The following SAE1 variants were observed in gnomAD, a reference collection of about 807,000 sequenced individuals.
SAE1 encodes SUMO-activating enzyme subunit 1.
In SAE1, 11 loss-of-function variants were observed where a neutral mutation model predicts 40.6. That is an observed-to-expected ratio of 0.27 (90% CI 0.17 to 0.45). SAE1 has a LOEUF of 0.45. SAE1 is among the 20% of genes least tolerant of loss of function. The pLI is 1.00. For missense variants in SAE1, 373 were observed against 427.3 expected (o/e 0.87, Z 1.12); for synonymous variants, 155 against 154.3 (o/e 1.00, Z -0.03).
chr19:47,172,021 C>G (rs1223916150), intron 6 of SAE1, among the ~76,000 whole-genome samples: 1 of 152,098 alleles, frequency 6.6e-6, no homozygotes, highest in African/African-American at 2.4e-5. Context: ...CCGGTTCAAA[C>G]AGTTTCCCCG....
intron 6 of SAE1, among the ~76,000 whole-genome samples, chr19:47,182,496 T>TGTGTGTGTGTGTGTGC (rs143321323): frequency 7.5e-5 from 11 of 145,934 alleles, no homozygotes; most frequent in Admixed American, 2.1e-4. Context: ...TGTGTGTGTG[T>TGTGTGTGTGTGTGTGC]GCGCGCACGC....
At chr19:47,132,653 G>GC (rs1050437366) in intron 1 of SAE1, among the ~76,000 whole-genome samples, 9 of 151,950 alleles carry the variant, frequency 5.9e-5, no homozygotes, top group Admixed American at 5.9e-4. Flanking sequence ...AAGCTGAGTT[G>GC]GGGGGAGGGG....
chr19:47,181,813 ATT>A (rs985920836), intron 6 of SAE1, among the ~76,000 whole-genome samples: 1 of 100,298 alleles, frequency 1.0e-5, no homozygotes, highest in Non-Finnish European at 2.1e-5. Flanking sequence ...ATTTTACAGA[ATT>A]TTTTTTTTTT....
chr19:47,136,732 C>T (rs568025364), intron 1 of SAE1, among the ~76,000 whole-genome samples: 25 of 152,176 alleles, frequency 1.6e-4, no homozygotes, highest in East Asian at 5.8e-4. Flanking sequence ...TCAGGTGATC[C>T]GCCCGCCTTG....
At chr19:47,169,116 G>A (rs763306240) in intron 5 of SAE1, among the ~76,000 whole-genome samples, 5 of 151,894 alleles carry the variant, frequency 3.3e-5, no homozygotes, top group Non-Finnish European at 7.4e-5. Flanking sequence ...CCATTCCTCT[G>A]CCAAGAAACA....
Position 47,202,864 on chromosome 19 carries a change from C to T in SAE1, c.879-807C>T, listed in dbSNP as rs543114500. ...GGCGGAGCTTGCAGTAAGCCAAGATCGCGCCACTGCACTCCAGCCTGGGTG... is the reference window on the plus strand; with the variant it reads ...GGCGGAGCTTGCAGTAAGCCAAGATTGCGCCACTGCACTCCAGCCTGGGTG... On this transcript the variant is annotated intron_variant, in intron 7 of 8. Transcript: ENST00000270225. 4.6e-5 allele frequency among the ~76,000 whole-genome samples: 7 copies of T among 152,146 alleles called. No homozygotes were observed. In the East Asian group the frequency reaches 5.9e-4, roughly 13 times the overall value.
chr19:47,134,011 C>T (rs534338236), intron 1 of SAE1, among the ~76,000 whole-genome samples: 34 of 151,748 alleles, frequency 2.2e-4, no homozygotes, highest in African/African-American at 7.2e-4. Context: ...TACAGGCGCC[C>T]GCCACCATGC....
At chr19:47,163,988 C>T (rs1043414663) in intron 5 of SAE1, among the ~76,000 whole-genome samples, 1 of 151,496 alleles carries the variant, frequency 6.6e-6, no homozygotes, top group African/African-American at 2.4e-5. Flanking sequence ...AGGCTGGTCT[C>T]GAACTCCTGA....
chr19:47,197,494 C>G, intron 7 of SAE1, 117 bp downstream of exon 7: 8 of 768,538 alleles, frequency 1.0e-5, no homozygotes, highest in Non-Finnish European at 1.7e-5. Context: ...CTGCCACATT[C>G]TGCTCGCTCC....
chr19:47,180,056 T>C (rs2058496585), intron 6 of SAE1: 2 of 395,706 alleles, frequency 5.1e-6, no homozygotes, highest in Admixed American at 2.8e-5. Context: ...ATTGAAGTTA[T>C]CTGGATGAAC....
Position 47,176,768 on chromosome 19 carries a change from C to T in SAE1, c.733+6845C>T, listed in dbSNP as rs185533352. ...TTAATAAGTTAGTGGCCAGACTGTA[C>T]GCTTCCTGCTGCATTTTTCCACTGT... On this transcript the variant is annotated intron_variant, in intron 6 of 8. Coordinates refer to ENST00000270225, the MANE Select transcript of SAE1 (RefSeq NM_005500.3). Among the ~76,000 whole-genome samples the T allele has an allele frequency of 1.1e-4, 17 of 152,326 alleles. No individual in the cohort carries two copies. The East Asian group carries it at 2.7e-3, about 24-fold the overall frequency.
At chr19:47,201,678 G>A (rs1210838992) in intron 7 of SAE1, among the ~76,000 whole-genome samples, 1 of 151,718 alleles carries the variant, frequency 6.6e-6, no homozygotes, top group African/African-American at 2.4e-5. Flanking sequence ...CTCTCACCCA[G>A]GCTGGAGTGC....
chr19:47,174,738 A>G (rs2058458062), intron 6 of SAE1, among the ~76,000 whole-genome samples: 1 of 151,482 alleles, frequency 6.6e-6, no homozygotes, highest in Non-Finnish European at 1.5e-5. Flanking sequence ...ATGCCCGGCT[A>G]ATTTTTTTGT....
chr19:47,131,096 C>A, intron 1 of SAE1, 68 bp downstream of exon 1: 1 of 1,454,408 alleles, frequency 6.9e-7, no homozygotes, highest in Non-Finnish European at 9.1e-7. Flanking sequence ...CGTTTGCGGC[C>A]CGGAAGGAGC....
chr19:47,169,083 T>C (rs1021113149), intron 5 of SAE1, among the ~76,000 whole-genome samples: 1 of 152,210 alleles, frequency 6.6e-6, no homozygotes, highest in Admixed American at 6.5e-5. Flanking sequence ...CTGTTATTTA[T>C]TATGTCATCC....
chr19:47,209,602 C>G lies in SAE1; in HGVS notation c.*351C>G, dbSNP rs1462198583. On this transcript the variant is annotated 3_prime_UTR_variant, in exon 9 of 9. Coordinates refer to ENST00000270225, the MANE Select transcript of SAE1 (RefSeq NM_005500.3). ...CCCTCTGGGGCATTGTGGGAGATGCCTGCCAGGAATGAGCAAGCTCTGTTG... is the reference window on the plus strand; with the variant it reads ...CCCTCTGGGGCATTGTGGGAGATGCGTGCCAGGAATGAGCAAGCTCTGTTG... 3.0e-6 allele frequency: 1 copy of G among 335,258 alleles called. No individual in the cohort carries two copies. The allele number at this position is 335,258 out of a possible 1,614,324, so 20.8% of individuals were successfully genotyped here. A position where few individuals can be genotyped will look rare whatever the true frequency, so the allele number is the denominator to read the frequency against.
At chr19:47,182,916 C>CT (rs1236870992) in intron 6 of SAE1, among the ~76,000 whole-genome samples, 1 of 152,032 alleles carries the variant, frequency 6.6e-6, no homozygotes, top group Non-Finnish European at 1.5e-5. Flanking sequence ...CACCCTGTCT[C>CT]TTTTTTTGAC....
chr19:47,167,593 A>G (rs888673102), intron 5 of SAE1, among the ~76,000 whole-genome samples: 1 of 152,126 alleles, frequency 6.6e-6, no homozygotes, highest in Non-Finnish European at 1.5e-5. Flanking sequence ...CAAGCTTTGT[A>G]AACTGCCTGG....
intron 1 of SAE1, among the ~76,000 whole-genome samples, chr19:47,135,041 T>G (rs967589752): frequency 6.6e-6 from 1 of 152,158 alleles, no homozygotes; most frequent in Non-Finnish European, 1.5e-5. Context: ...AAAAATTTTT[T>G]TGTGTGAGTA....
Sources: allele counts gnomAD v4.1 joint callset (sites outside exome capture counted in the v4.1 genomes callset), GRCh38; gene constraint gnomAD v4.1.1; transcripts MANE v1.5; gene names NCBI Gene and HGNC (gene_info 2026-07-23, HGNC 2026-07-21).